Variants in SNX32 observed in about 807,000 individuals in gnomAD.
The protein encoded by SNX32 is sorting nexin 32.
Under a neutral mutation model 57.0 loss-of-function variants are expected in SNX32, and 58 were observed. The ratio of observed to expected loss-of-function variants is 1.02; its 90% CI spans 0.82 to 1.27. The LOEUF (loss-of-function observed/expected upper bound fraction) is 1.27. Among genes scored for constraint, SNX32 ranks in the 50% most tolerant of loss-of-function variants. The pLI, the probability that SNX32 is intolerant of heterozygous loss-of-function variation, is 0.00. For synonymous variants in SNX32, 262 were observed against 220.4 expected, an observed-to-expected ratio of 1.19 and a Z score of -1.67; for missense variants, 589 against 541.2, an observed-to-expected ratio of 1.09 and a Z score of -0.88.
chr11:65,836,865 CAG>C (rs902115655), intron 1 of SNX32, among the ~76,000 whole-genome samples: 1 of 147,286 alleles, frequency 6.8e-6, no homozygotes, highest in African/African-American at 2.5e-5. Context: ...CACATGGACA[CAG>C]GGAGGGGAAC....
chr11:65,842,962 A>T (rs1591028999), intron 1 of SNX32, among the ~76,000 whole-genome samples: 1 of 149,606 alleles, frequency 6.7e-6, no homozygotes, highest in African/African-American at 2.5e-5. Flanking sequence ...AAAAAAAAAA[A>T]AAAAAAAAAA....
chr11:65,836,913 AG>A (rs567879428), intron 1 of SNX32, among the ~76,000 whole-genome samples: 11 of 136,834 alleles, frequency 8.0e-5, no homozygotes, highest in African/African-American at 3.0e-4. Flanking sequence ...CTGGGGGGTA[AG>A]GGGAGGGACA....
chr11:65,840,227 T>C (rs1173300056), intron 1 of SNX32, among the ~76,000 whole-genome samples: 2 of 152,070 alleles, frequency 1.3e-5, no homozygotes, highest in Non-Finnish European at 2.9e-5. Flanking sequence ...AGGAAAAAGA[T>C]TGATAAAAAT....
chr11:65,835,232 G>T (rs1293060275), intron 1 of SNX32, among the ~76,000 whole-genome samples: 2 of 151,872 alleles, frequency 1.3e-5, no homozygotes, highest in Non-Finnish European at 2.9e-5. Context: ...GCCAAGGGAG[G>T]CAGGGTTTTG....
chr11:65,844,104 A>G (rs1858921689), intron 1 of SNX32, among the ~76,000 whole-genome samples: 1 of 152,202 alleles, frequency 6.6e-6, no homozygotes, highest in Non-Finnish European at 1.5e-5. Context: ...TGATCTATAT[A>G]TTCGATGCAA....
chr11:65,842,996 C>T (rs1237254435), intron 1 of SNX32, among the ~76,000 whole-genome samples: 21 of 140,012 alleles, frequency 1.5e-4, no homozygotes, highest in Admixed American at 2.9e-4. Context: ...AGGCCGAGAC[C>T]GGGGGATCAT....
At position 65,834,230 on chromosome 11, in the gene SNX32, CTGTG is replaced by C. The variant is rs1858587079; in HGVS notation, c.36+135_36+138del. On this transcript the variant is annotated intron_variant, in intron 1 of 12. Transcript: ENST00000308342. ...TGCCTCTGTGTGTTTCTGTGTGTGT[CTGTG>C]TGTGTATAGTCTGCATGTGTCTGTT... The C allele has an allele frequency of 5.9e-6, 6 of 1,018,670 alleles. No homozygotes were observed. In the East Asian group the frequency reaches 1.1e-4, roughly 19 times the overall value. The allele number at this position is 1,018,670 out of a possible 1,614,324, so 63.1% of individuals were successfully genotyped here. A position where few individuals can be genotyped will look rare whatever the true frequency, so the allele number is the denominator to read the frequency against.
At chr11:65,851,019 A>G (rs766029031) in intron 6 of SNX32, 36 bp from the exon 7 acceptor site, 3 of 1,579,068 alleles carry the variant, frequency 1.9e-6, no homozygotes, top group Non-Finnish European at 2.6e-6. Flanking sequence ...CCCCGTGGTG[A>G]CCCAGTGTAA....
At chr11:65,847,298 A>G (rs975181871) in intron 1 of SNX32, among the ~76,000 whole-genome samples, 3 of 152,016 alleles carry the variant, frequency 2.0e-5, no homozygotes, top group African/African-American at 7.2e-5. Context: ...GCTGGATTAC[A>G]GCACTTTTAA....
rs965159207 is a variant in SNX32 at position 65,853,539 on chromosome 11, GCAT to G, written c.*208_*210del. On this transcript the variant is annotated 3_prime_UTR_variant, in exon 13 of 13. Transcript: ENST00000308342. ...CCCTGCAAGACACAGGGCAGCATGG[GCAT>G]CATAACTGGCCACAGTCAGCAGAGC... 5.0e-6 allele frequency: 3 copies of G among 605,072 alleles called. No homozygotes were observed. Among genetic ancestry groups the G allele is most frequent in the South Asian group, 3.9e-5 (2 of 51,452 alleles). The allele number at this position is 605,072 out of a possible 1,614,324, so 37.5% of individuals were successfully genotyped here. A position where few individuals can be genotyped will look rare whatever the true frequency, so the allele number is the denominator to read the frequency against.
intron 12 of SNX32, 91 bp from the exon 13 acceptor site, chr11:65,853,191 T>C (rs907019149): frequency 1.0e-5 from 16 of 1,547,700 alleles, no homozygotes; most frequent in Non-Finnish European, 1.4e-5. Flanking sequence ...AGAGCAGGGG[T>C]GTGGGGAGCG....
rs1304049697 is a variant in SNX32 at position 65,851,366 on chromosome 11, A to G, written c.748A>G (p.Ser250Gly). The G allele has an allele frequency of 1.9e-6, 3 of 1,614,038 alleles. No homozygotes were observed. The highest frequency in any genetic ancestry group is 2.5e-6 in the Non-Finnish European group (3 of 1,180,016). ...TTATATCCCTATCTCAGCTGCGCTG[A>G]GCAGTCTGGGAACACAGGAAGTCAA... ...DDYIPISAAL[S>G]SLGTQEVNQL... The change falls in exon 8 of 13, where the codon AGC (serine) becomes GGC (glycine). Residue 250 changes from serine (S) to glycine (G), a missense_variant. Ser to Gly is a moderately conservative substitution (Grantham distance 56, BLOSUM62 0). Transcript: ENST00000308342.
chr11:65,853,487 C>A lies in SNX32; in HGVS notation c.*152C>A. On this transcript the variant is annotated 3_prime_UTR_variant, in exon 13 of 13. Transcript: ENST00000308342. The stretch of plus-strand genomic sequence containing the variant: ...ATCCTCTCAGGGAAAGCCCAAACCC[C>A]CTATCACCACCACCACAGGTGCCAG... 2.8e-6 allele frequency: 2 copies of A among 726,466 alleles called. No individual in the cohort carries two copies. Among genetic ancestry groups the A allele is most frequent in the East Asian group, 2.7e-5 (1 of 37,492 alleles). The allele number at this position is 726,466 out of a possible 1,614,324, so 45.0% of individuals were successfully genotyped here.
At position 65,850,201 on chromosome 11, in the gene SNX32, C is replaced by A; in HGVS notation, c.304C>A (p.Gln102Lys). The change falls in exon 4 of 13, where the codon CAG becomes AAG. Residue 102 changes from glutamine (Q) to lysine (K), a missense_variant. Physicochemically the swap from Gln to Lys is moderately conservative, Grantham distance 53. Transcript: ENST00000308342. Reference protein sequence around the residue: ...PDFEASREKLQKLGEGDSSVT... With the variant: ...PDFEASREKLKKLGEGDSSVT... ...CTTTGAGGCTTCGAGGGAAAAGCTACAGAAATTGGGCGAGGGGGACAGCTC... is the reference window on the plus strand; with the variant it reads ...CTTTGAGGCTTCGAGGGAAAAGCTAAAGAAATTGGGCGAGGGGGACAGCTC... The A allele has an allele frequency of 6.2e-7, 1 of 1,614,244 alleles. No homozygotes were observed.
At chr11:65,838,775 A>G (rs1858740450) in intron 1 of SNX32, among the ~76,000 whole-genome samples, 1 of 152,156 alleles carries the variant, frequency 6.6e-6, no homozygotes, top group Non-Finnish European at 1.5e-5. Flanking sequence ...TAGATTATAT[A>G]CTCTGACCCA....
chr11:65,851,871 G>A (rs1176920985), intron 9 of SNX32, among the ~76,000 whole-genome samples, 192 bp downstream of exon 9: 4 of 152,134 alleles, frequency 2.6e-5, no homozygotes, highest in East Asian at 1.9e-4. Context: ...TCGTGTGTGT[G>A]TTGGGGGGTG....
At chr11:65,851,186 A>C (rs759588369) in intron 7 of SNX32, 26 bp downstream of exon 7, 58 of 1,603,790 alleles carry the variant, frequency 3.6e-5, no homozygotes, top group Non-Finnish European at 4.9e-5. Flanking sequence ...GGGGTCCTGG[A>C]TCCCCCTGCC....
At chr11:65,852,981 G>A (rs1010812146) in intron 12 of SNX32, 23 bp downstream of exon 12, 1 of 1,612,978 alleles carries the variant, frequency 6.2e-7, no homozygotes, top group African/African-American at 1.3e-5. Flanking sequence ...ACCTCACTGG[G>A]CCCTTGTGAA....
At chr11:65,853,131 C>T in intron 12 of SNX32, 151 bp from the exon 13 acceptor site, 1 of 1,306,874 alleles carries the variant, frequency 7.7e-7, no homozygotes, top group Non-Finnish European at 1.1e-6. Flanking sequence ...TGGCTCAGGA[C>T]CCGTGCCTTC....
Sources: gnomAD v4.1 joint callset for allele counts (sites outside exome capture counted in the v4.1 genomes callset) on GRCh38, gnomAD v4.1.1 for gene constraint, MANE v1.5 for transcripts, NCBI Gene and HGNC (gene_info 2026-07-23, HGNC 2026-07-21) for gene names.